MSI2: variants seen among roughly 807,000 people sequenced by gnomAD.
MSI2 encodes musashi RNA binding protein 2.
MSI2 carries 17 observed loss-of-function variants against 45.6 expected under a neutral mutation model. The ratio of observed to expected loss-of-function variants is 0.37; its 90% CI spans 0.26 to 0.56. MSI2 has a LOEUF of 0.56. Ranked by LOEUF, MSI2 falls within the 20% of genes least tolerant of loss-of-function variation. The pLI is 0.77. For missense variants in MSI2, 293 were observed against 444.2 expected (o/e 0.66, Z 3.06); for synonymous variants, 156 against 158.2 (o/e 0.99, Z 0.11).
chr17:57,334,022 C>A (rs1914494017), intron 5 of MSI2, among the ~76,000 whole-genome samples: 1 of 152,148 alleles, frequency 6.6e-6, no homozygotes. Context: ...CGTTTCACTC[C>A]ATTGTTGTCT....
chr17:57,314,675 G>A (rs1318400169), intron 5 of MSI2, among the ~76,000 whole-genome samples: 3 of 145,690 alleles, frequency 2.1e-5, no homozygotes, highest in African/African-American at 7.6e-5. Flanking sequence ...TGGTTCAAGT[G>A]ATTCTCCTGC....
chr17:57,596,868 G>A lies in MSI2; in HGVS notation c.455G>A (p.Gly152Glu). ...TTTTCTTCTCTCTCTTTTCCTTTAG[G>A]GTTTGGCTTTGTCACTTTTGAGAAT... is the stretch of plus-strand genomic sequence containing the variant. ...MFDKTTNRHR[G>E]FGFVTFENED... The change falls in exon 8 of 14, where the codon GGG becomes GAG. Residue 152 changes from glycine to glutamate, a missense_variant and splice_region_variant. Gly to Glu is a moderately conservative substitution (Grantham distance 98). Coordinates refer to ENST00000284073, the MANE Select transcript of MSI2 (RefSeq NM_138962.4). This position sits in a 1 kb window ranked among gnomAD's most constrained non-coding sequence, Gnocchi z 4.6. 1.2e-6 allele frequency: 2 copies of A among 1,610,516 alleles called. No individual in the cohort carries two copies. The highest frequency in any genetic ancestry group is 1.7e-6 in the Non-Finnish European group (2 of 1,176,944).
At chr17:57,686,665 T>G (rs927416586), downstream of MSI2, among the ~76,000 whole-genome samples, 1 of 152,094 alleles carries the variant, frequency 6.6e-6, no homozygotes. Flanking sequence ...ACAGCAATAT[T>G]ATGTCATGAC....
intron 5 of MSI2, among the ~76,000 whole-genome samples, chr17:57,268,832 C>G (rs1382665271): frequency 6.6e-6 from 1 of 150,576 alleles, no homozygotes; most frequent in Non-Finnish European, 1.5e-5. Context: ...GAGACTCCAT[C>G]TCAAACAAAC....
chr17:57,527,294 G>A (rs929047169), intron 6 of MSI2, among the ~76,000 whole-genome samples: 2 of 129,392 alleles, frequency 1.5e-5, no homozygotes, highest in African/African-American at 5.7e-5. Flanking sequence ...CCAGGCATTC[G>A]AATTCCTATT....
At chr17:57,340,911 T>C (rs1915086216) in intron 5 of MSI2, among the ~76,000 whole-genome samples, 1 of 152,206 alleles carries the variant, frequency 6.6e-6, no homozygotes, top group African/African-American at 2.4e-5. Context: ...CTTGAAGCCC[T>C]GGCAGTTGCA....
intron 7 of MSI2, among the ~76,000 whole-genome samples, chr17:57,582,464 T>G (rs2088231583): frequency 6.6e-6 from 1 of 152,196 alleles, no homozygotes; most frequent in Admixed American, 6.5e-5. Context: ...GCAATATGAT[T>G]GAATATGCTG....
chr17:57,485,830 C>T (rs1266633789), intron 6 of MSI2, among the ~76,000 whole-genome samples: 3 of 152,170 alleles, frequency 2.0e-5, no homozygotes, highest in African/African-American at 7.2e-5. Context: ...GAGCCAGTGA[C>T]CCCCTGCTCT....
intron 6 of MSI2, among the ~76,000 whole-genome samples, chr17:57,475,511 A>G (rs114771556): frequency 1.2e-4 from 19 of 152,290 alleles, no homozygotes; most frequent in African/African-American, 4.6e-4. Context: ...GAGGGTCTGC[A>G]TGCATTTCTC....
intron 11 of MSI2, among the ~76,000 whole-genome samples, chr17:57,663,412 G>A (rs889800723): frequency 6.6e-6 from 1 of 152,234 alleles, no homozygotes; most frequent in African/African-American, 2.4e-5. Flanking sequence ...GCGTGCCTGT[G>A]GCAGAGGCTT....
intron 5 of MSI2, among the ~76,000 whole-genome samples, chr17:57,399,309 G>A (rs1375562523): frequency 6.6e-6 from 1 of 152,228 alleles, no homozygotes; most frequent in East Asian, 1.9e-4. Context: ...AAACACATGA[G>A]CAAGCCACTG....
intron 5 of MSI2, among the ~76,000 whole-genome samples, chr17:57,398,699 AC>A (rs1340190287): frequency 6.6e-6 from 1 of 152,148 alleles, no homozygotes; most frequent in African/African-American, 2.4e-5. Context: ...TACTTAATTT[AC>A]TCCTGATAGG....
intron 11 of MSI2, among the ~76,000 whole-genome samples, chr17:57,667,186 G>C (rs1204797329): frequency 1.3e-5 from 2 of 152,210 alleles, no homozygotes; most frequent in Non-Finnish European, 2.9e-5. Context: ...GGGTGCTGCA[G>C]GTTCCGGGGA....
intron 5 of MSI2, chr17:57,279,313 C>T: frequency 6.6e-6 from 1 of 152,550 alleles, no homozygotes; most frequent in Non-Finnish European, 1.5e-5. Flanking sequence ...GAGGACGGAG[C>T]AAGCAGGGCA....
At chr17:57,308,458 A>G (rs1404803656) in intron 5 of MSI2, among the ~76,000 whole-genome samples, 2 of 152,224 alleles carry the variant, frequency 1.3e-5, no homozygotes, top group Admixed American at 1.3e-4. Flanking sequence ...ATGCTGAGAA[A>G]CGAAAGCATA....
At chr17:57,573,043 C>A (rs1470740038) in intron 7 of MSI2, among the ~76,000 whole-genome samples, 3 of 152,204 alleles carry the variant, frequency 2.0e-5, no homozygotes, top group Non-Finnish European at 4.4e-5. Context: ...GGAGTGCCCC[C>A]TCGTAGAGTC....
intron 5 of MSI2, among the ~76,000 whole-genome samples, chr17:57,297,524 G>T (rs1911083273): frequency 6.6e-6 from 1 of 152,190 alleles, no homozygotes; most frequent in African/African-American, 2.4e-5. Flanking sequence ...CCTCAATGTT[G>T]ATGGCTGCTG....
At chr17:57,261,059 C>G (rs1246088506) in intron 4 of MSI2, among the ~76,000 whole-genome samples, 1 of 152,132 alleles carries the variant, frequency 6.6e-6, no homozygotes, top group Non-Finnish European at 1.5e-5. Flanking sequence ...ACATTTTTAC[C>G]CAAAGATTTG....
At chr17:57,424,110 G>C (rs1237228592) in intron 6 of MSI2, among the ~76,000 whole-genome samples, 3 of 152,186 alleles carry the variant, frequency 2.0e-5, no homozygotes, top group Non-Finnish European at 4.4e-5. Context: ...CTTTGGGGCA[G>C]CATGAACCCT....
Sources: gnomAD v4.1 joint callset for allele counts (sites outside exome capture counted in the v4.1 genomes callset) on GRCh38, gnomAD v4.1.1 for gene constraint, Gnocchi (gnomAD v3.1) non-coding constraint, MANE v1.5 for transcripts, NCBI Gene and HGNC (gene_info 2026-07-23, HGNC 2026-07-21) for gene names.